Variants in LDLRAD3 observed in about 807,000 individuals in gnomAD.
LDLRAD3 encodes low-density lipoprotein receptor class A domain-containing protein 3.
LDLRAD3 carries 20 observed loss-of-function variants against 29.4 expected under a neutral mutation model. That is an observed-to-expected ratio of 0.68 (90% CI 0.48 to 0.99). LDLRAD3 has a LOEUF of 0.99. Among genes scored for constraint, LDLRAD3 ranks in the 50% least tolerant of loss-of-function variants. LDLRAD3 has a pLI of 0.00. For missense variants in LDLRAD3, 420 were observed against 454.3 expected, an observed-to-expected ratio of 0.92 and a Z score of 0.69; for synonymous variants, 157 against 192.7, an observed-to-expected ratio of 0.81 and a Z score of 1.53.
chr11:36,128,117 C>CATACATATATATAT (rs1391537319), intron 4 of LDLRAD3, among the ~76,000 whole-genome samples: 1 of 98,950 alleles, frequency 1.0e-5, no homozygotes. Context: ...GTTGTTTTTA[C>CATACATATATATAT]ATATATATAT....
chr11:35,988,718 G>A (rs1182377369), intron 1 of LDLRAD3: 1 of 152,122 alleles, frequency 6.6e-6, no homozygotes, highest in African/African-American at 2.4e-5. Context: ...CAAGTAGCTG[G>A]CTCTACAGGC....
At position 36,227,244 on chromosome 11, in the gene LDLRAD3, C is replaced by T. The variant is rs372710536; in HGVS notation, c.614C>T (p.Thr205Met). 93 of 1,614,080 alleles carry T rather than the reference C, an allele frequency of 5.8e-5. No homozygotes were observed. The highest frequency in any genetic ancestry group is 1.3e-4 in the Admixed American group (8 of 59,998). Residue 205 changes from threonine (T) to methionine (M), a missense_variant, in exon 5 of 6, where the codon ACG becomes ATG. By Grantham distance (81) the Thr-to-Met change is moderately conservative (BLOSUM62 -1). Coordinates refer to ENST00000315571, the MANE Select transcript of LDLRAD3 (RefSeq NM_174902.4). ...HHQRKRNNLM[T>M]LPVHRLQHPV... ...CAGCGGAAGCGGAACAACCTCATGA[C>T]GCTGCCCGTGCACCGGCTGCAGCAC...
intron 1 of LDLRAD3, among the ~76,000 whole-genome samples, chr11:35,996,556 C>T (rs980940273): frequency 1.3e-5 from 2 of 152,184 alleles, no homozygotes; most frequent in Non-Finnish European, 2.9e-5. Flanking sequence ...GGTAGACTTA[C>T]TGCGTTCAGG....
At chr11:35,976,295 G>A (rs1851475076) in intron 1 of LDLRAD3, among the ~76,000 whole-genome samples, 2 of 152,098 alleles carry the variant, frequency 1.3e-5, no homozygotes, top group South Asian at 4.2e-4. Flanking sequence ...ATTAAGACAG[G>A]CATAGTTGTA....
intron 1 of LDLRAD3, among the ~76,000 whole-genome samples, chr11:36,012,269 T>A (rs956782128): frequency 4.6e-5 from 7 of 152,302 alleles, no homozygotes; most frequent in Middle Eastern, 3.4e-3. Flanking sequence ...TATCACACAC[T>A]CTGGCTATAA....
intron 1 of LDLRAD3, among the ~76,000 whole-genome samples, chr11:36,004,494 T>C (rs1851860509): frequency 6.6e-6 from 1 of 152,284 alleles, no homozygotes; most frequent in Non-Finnish European, 1.5e-5. Flanking sequence ...GTCTGCAGGG[T>C]ACAGCCCCCA....
intron 3 of LDLRAD3, among the ~76,000 whole-genome samples, chr11:36,085,701 TC>T: frequency 6.6e-6 from 1 of 152,182 alleles, no homozygotes; most frequent in South Asian, 2.1e-4. Context: ...AGCCTCAACT[TC>T]CTGAGCTCCA....
At chr11:36,132,523 C>T (rs749453803) in intron 4 of LDLRAD3, among the ~76,000 whole-genome samples, 16 of 152,112 alleles carry the variant, frequency 1.1e-4, no homozygotes, top group Non-Finnish European at 1.6e-4. Context: ...ATTATTTCCC[C>T]GTTTTATAGA....
intron 2 of LDLRAD3, among the ~76,000 whole-genome samples, chr11:36,043,364 C>CT (rs1382866205): frequency 1.7e-4 from 26 of 152,224 alleles, no homozygotes; most frequent in Admixed American, 1.7e-3. Flanking sequence ...CTGCAGCTGT[C>CT]TAACAGGCTG....
intron 4 of LDLRAD3, among the ~76,000 whole-genome samples, chr11:36,144,870 G>T (rs1590305538): frequency 1.1e-5 from 1 of 87,262 alleles, no homozygotes; most frequent in African/African-American, 3.9e-5. Flanking sequence ...TCAGCCCCCC[G>T]CCCGGCCAGC....
chr11:36,068,166 G>C (rs1256413339), intron 2 of LDLRAD3, among the ~76,000 whole-genome samples: 1 of 152,118 alleles, frequency 6.6e-6, no homozygotes, highest in African/African-American at 2.4e-5. Context: ...AAGTGAGTTT[G>C]AGAATTAATG....
intron 4 of LDLRAD3, among the ~76,000 whole-genome samples, chr11:36,216,468 A>C (rs1424255774): frequency 6.6e-6 from 1 of 152,244 alleles, no homozygotes; most frequent in African/African-American, 2.4e-5. Context: ...GTCAAATGCT[A>C]CTTTGTGCCA....
At chr11:36,128,943 T>C (rs2133303905) in intron 4 of LDLRAD3, among the ~76,000 whole-genome samples, 1 of 152,030 alleles carries the variant, frequency 6.6e-6, no homozygotes, top group South Asian at 2.1e-4. Context: ...AGACACTGGC[T>C]GGGATGCTAC....
chr11:35,993,681 A>G (rs1851717134), intron 1 of LDLRAD3, among the ~76,000 whole-genome samples: 1 of 151,606 alleles, frequency 6.6e-6, no homozygotes, highest in Non-Finnish European at 1.5e-5. Context: ...AAAAAAAAGA[A>G]TTTTTACTGG....
chr11:36,197,405 T>TG (rs1855050297), intron 4 of LDLRAD3: 1 of 152,186 alleles, frequency 6.6e-6, no homozygotes, highest in Non-Finnish European at 1.5e-5. Context: ...GTCGCAAGCA[T>TG]GGATTCGAGA....
chr11:36,095,456 T>C (rs987513582), intron 3 of LDLRAD3, among the ~76,000 whole-genome samples: 17 of 152,242 alleles, frequency 1.1e-4, no homozygotes, highest in Admixed American at 9.8e-4. Context: ...GTTCCTCTTA[T>C]GTCAATTGCC....
At chr11:36,103,551 A>G (rs1853483222) in intron 4 of LDLRAD3, among the ~76,000 whole-genome samples, 1 of 152,088 alleles carries the variant, frequency 6.6e-6, no homozygotes, top group South Asian at 2.1e-4. Context: ...GTATTTAATC[A>G]TTCTTAAGTG....
intron 4 of LDLRAD3, among the ~76,000 whole-genome samples, chr11:36,214,610 C>G (rs763708662): frequency 6.6e-6 from 1 of 152,190 alleles, no homozygotes; most frequent in Non-Finnish European, 1.5e-5. Context: ...AACAGATCAC[C>G]GGGAAAACTG....
chr11:36,187,576 A>G (rs764343527), intron 4 of LDLRAD3, among the ~76,000 whole-genome samples: 1 of 152,224 alleles, frequency 6.6e-6, no homozygotes, highest in Non-Finnish European at 1.5e-5. Flanking sequence ...CAAGGTGGAC[A>G]TACAGCTCAG....
Sources: allele counts gnomAD v4.1 joint callset (sites outside exome capture counted in the v4.1 genomes callset), GRCh38; gene constraint gnomAD v4.1.1; transcripts MANE v1.5; gene names NCBI Gene and HGNC (gene_info 2026-07-23, HGNC 2026-07-21).